Variants in CHSY1 observed in about 807,000 individuals in gnomAD.
CHSY1 encodes chondroitin sulfate synthase 1.
CHSY1 carries 13 observed loss-of-function variants against 59.8 expected under a neutral mutation model. That is an observed-to-expected ratio of 0.22 (90% CI 0.14 to 0.35). The LOEUF (loss-of-function observed/expected upper bound fraction) is 0.35, where lower values mean the gene tolerates loss of function less well. Among genes scored for constraint, CHSY1 ranks in the 10% least tolerant of loss-of-function variants. The pLI, the probability that CHSY1 is intolerant of heterozygous loss-of-function variation, is 1.00. For synonymous variants in CHSY1, 459 were observed against 401.2 expected, an observed-to-expected ratio of 1.14 and a Z score of -1.72; for missense variants, 947 against 1,030.6, an observed-to-expected ratio of 0.92 and a Z score of 1.11.
chr15:101,218,371 T>G (rs1596446107), intron 2 of CHSY1, among the ~76,000 whole-genome samples: 2 of 152,000 alleles, frequency 1.3e-5, no homozygotes, highest in African/African-American at 4.8e-5. Flanking sequence ...CTGAGGCAGG[T>G]GGATCTCCTG....
intron 2 of CHSY1, among the ~76,000 whole-genome samples, chr15:101,185,348 G>C (rs989711587): frequency 6.6e-6 from 1 of 151,872 alleles, no homozygotes. Flanking sequence ...GGGAAGCCCT[G>C]ACGGGCCCCA....
Position 101,251,498 on chromosome 15 carries a change from G to A in CHSY1, c.-42C>T, listed in dbSNP as rs1490410248. 2.7e-5 allele frequency: 17 copies of A among 630,348 alleles called. No individual in the cohort carries two copies. The highest frequency in any genetic ancestry group is 3.2e-5 in the Non-Finnish European group (16 of 507,912). 39.0% of individuals were successfully genotyped at this position (630,348 alleles called of 1,614,324 possible). A position where few individuals can be genotyped will look rare whatever the true frequency, so the allele number is the denominator to read the frequency against. ...CCGCCGGGCCGCCGCCGCAGGCTCCGCGCGCCCTCAGCCCGCTGCCCCCGC... is the reference window on the plus strand; with the variant it reads ...CCGCCGGGCCGCCGCCGCAGGCTCCACGCGCCCTCAGCCCGCTGCCCCCGC... On this transcript the variant is annotated 5_prime_UTR_variant, in exon 1 of 3. Transcript: ENST00000254190.
At chr15:101,241,984 C>A (rs1408602899) in intron 1 of CHSY1, among the ~76,000 whole-genome samples, 1 of 152,176 alleles carries the variant, frequency 6.6e-6, no homozygotes, top group Non-Finnish European at 1.5e-5. Context: ...ATACCTAATA[C>A]AATGTAAATG....
At position 101,242,766 on chromosome 15, in the gene CHSY1, T is replaced by C. The variant is rs1053069672; in HGVS notation, c.321-7189A>G. The C allele has an allele frequency of 2.6e-5, 4 of 152,294 alleles. No homozygotes were observed. The South Asian group carries it at 8.3e-4, about 32-fold the overall frequency. The allele number at this position is 152,294 out of a possible 1,614,324, so 9.4% of individuals were successfully genotyped here. Reference sequence around the variant, plus strand: ...CAATCCCTCATCTCCATCTTCTGCCTTGGTCCCAAAAGCTCTGCAGCAAAT... The same window carrying C: ...CAATCCCTCATCTCCATCTTCTGCCCTGGTCCCAAAAGCTCTGCAGCAAAT... On this transcript the variant is annotated intron_variant, in intron 1 of 2. Transcript: ENST00000254190.
chr15:101,180,542 C>A (rs2038263239), intron 2 of CHSY1, among the ~76,000 whole-genome samples: 1 of 152,176 alleles, frequency 6.6e-6, no homozygotes, highest in South Asian at 2.1e-4. Flanking sequence ...GACCCCCATG[C>A]AGCACACAGG....
rs2039113245 is a variant in CHSY1, at chr15:101,251,523, C to T, written c.-67G>A. The T allele has an allele frequency of 7.0e-6, 2 of 284,298 alleles. No individual in the cohort carries two copies. Among genetic ancestry groups the T allele is most frequent in the African/African-American group, 2.6e-5 (1 of 38,158 alleles). 17.6% of individuals were successfully genotyped at this position (284,298 alleles called of 1,614,324 possible). A position where few individuals can be genotyped will look rare whatever the true frequency, so the allele number is the denominator to read the frequency against. On this transcript the variant is annotated 5_prime_UTR_variant, in exon 1 of 3. Transcript: ENST00000254190. ...GCGCGCCCTCAGCCCGCTGCCCCCG[C>T]CCGCGGAGGCCAGCCCGCCCTAGCG...
At chr15:101,185,412 A>ACTCTCC (rs879788217) in intron 2 of CHSY1, among the ~76,000 whole-genome samples, 1 of 115,002 alleles carries the variant, frequency 8.7e-6, no homozygotes, top group Non-Finnish European at 1.9e-5. Context: ...GAGTGTGAAC[A>ACTCTCC]ACCTCCATGG....
At chr15:101,218,280 T>C (rs1489539121) in intron 2 of CHSY1, among the ~76,000 whole-genome samples, 1 of 152,210 alleles carries the variant, frequency 6.6e-6, no homozygotes, top group Non-Finnish European at 1.5e-5. Flanking sequence ...TAGATTTTTA[T>C]CTTTATAATT....
chr15:101,250,302 A>G (rs1309589653), intron 1 of CHSY1, among the ~76,000 whole-genome samples: 1 of 152,216 alleles, frequency 6.6e-6, no homozygotes, highest in Non-Finnish European at 1.5e-5. Flanking sequence ...CCCTTTATCG[A>G]GTCTACAACC....
At position 101,188,595 on chromosome 15, in the gene CHSY1, T is replaced by TA. The variant is rs3034964; in HGVS notation, c.817-9616dup. Among the ~76,000 whole-genome samples, 1,092 of 149,552 alleles carry TA rather than the reference T, an allele frequency of 7.3e-3. 12 individuals carry two copies. Among genetic ancestry groups the TA allele is most frequent in the African/African-American group, 0.023 (959 of 40,952 alleles). On this transcript the variant is annotated intron_variant, in intron 2 of 2. Transcript: ENST00000254190. ...GAAATTAAGCTGGGACTTTAGTGGT[T>TA]AAAAAAAAAAAGAGAATTATTATGA...
intron 2 of CHSY1, among the ~76,000 whole-genome samples, chr15:101,216,964 C>T (rs2038740013): frequency 6.6e-6 from 1 of 152,152 alleles, no homozygotes; most frequent in Admixed American, 6.5e-5. Flanking sequence ...AACTGCATTA[C>T]AAATGTATGA....
At chr15:101,251,011 C>A in intron 1 of CHSY1, 126 bp downstream of exon 1, 1 of 934,902 alleles carries the variant, frequency 1.1e-6, no homozygotes, top group Non-Finnish European at 1.6e-6. Flanking sequence ...GAGAGGCAAC[C>A]CGATCCCGCC....
chr15:101,237,242 A>C (rs749183007), intron 1 of CHSY1, among the ~76,000 whole-genome samples: 5,976 of 150,180 alleles, frequency 0.04, 351 homozygotes, highest in African/African-American at 0.12. Flanking sequence ...AAAAAAAAAA[A>C]AAAAAACAGA....
chr15:101,195,031 C>T (rs966709576), intron 2 of CHSY1, among the ~76,000 whole-genome samples: 1 of 152,094 alleles, frequency 6.6e-6, no homozygotes, highest in Non-Finnish European at 1.5e-5. Context: ...ATAAGCTCGC[C>T]CATAACCCAC....
At chr15:101,186,256 G>T (rs1053121402) in intron 2 of CHSY1, among the ~76,000 whole-genome samples, 1 of 151,404 alleles carries the variant, frequency 6.6e-6, no homozygotes, top group Non-Finnish European at 1.5e-5. Flanking sequence ...GGAGGCGGAG[G>T]TTGCAGTGAG....
At chr15:101,208,712 C>CAAAA (rs35276997) in intron 2 of CHSY1, among the ~76,000 whole-genome samples, 23 of 114,892 alleles carry the variant, frequency 2.0e-4, no homozygotes, top group African/African-American at 6.3e-4. Context: ...GGCTCCATCT[C>CAAAA]AAAAAAAAAA....
intron 2 of CHSY1, among the ~76,000 whole-genome samples, chr15:101,179,697 A>G (rs1362021096): frequency 6.6e-6 from 1 of 152,238 alleles, no homozygotes; most frequent in Non-Finnish European, 1.5e-5. Context: ...CGGCACCAGC[A>G]CGGAGCTTGG....
At chr15:101,215,889 A>G (rs2038727441) in intron 2 of CHSY1, among the ~76,000 whole-genome samples, 1 of 152,208 alleles carries the variant, frequency 6.6e-6, no homozygotes, top group African/African-American at 2.4e-5. Context: ...AACTTGTGCC[A>G]TTACCATTAA....
intron 2 of CHSY1, among the ~76,000 whole-genome samples, chr15:101,182,692 G>A (rs1049203777): frequency 1.3e-5 from 2 of 152,182 alleles, no homozygotes; most frequent in African/African-American, 4.8e-5. Context: ...AACCGGAAGA[G>A]TCTTTTGGAT....
Sources: gnomAD v4.1 joint callset for allele counts (sites outside exome capture counted in the v4.1 genomes callset) on GRCh38, gnomAD v4.1.1 for gene constraint, MANE v1.5 for transcripts, NCBI Gene and HGNC (gene_info 2026-07-23, HGNC 2026-07-21) for gene names.